Variants in HIVEP3 observed in about 807,000 individuals in gnomAD.
The protein encoded by HIVEP3 is transcription factor HIVEP3.
HIVEP3 carries 49 observed loss-of-function variants against 152.8 expected under a neutral mutation model. The ratio of observed to expected loss-of-function variants is 0.32; its 90% CI spans 0.26 to 0.41. HIVEP3 has a LOEUF of 0.41. Ranked by LOEUF, HIVEP3 falls within the 10% of genes least tolerant of loss-of-function variation. HIVEP3 has a pLI of 1.00. For synonymous variants in HIVEP3, 1,269 were observed against 1,289.0 expected (o/e 0.98, Z 0.33); for missense variants, 2,790 against 3,103.3 (o/e 0.90, Z 2.40).
At chr1:41,657,802 C>T (rs749411321) in intron 2 of HIVEP3, among the ~76,000 whole-genome samples, 13 of 152,214 alleles carry the variant, frequency 8.5e-5, no homozygotes, top group Non-Finnish European at 1.8e-4. Context: ...CGCCATCGCT[C>T]ATGCTCCTAC....
intron 2 of HIVEP3, among the ~76,000 whole-genome samples, chr1:41,633,874 A>G (rs1645232327): frequency 6.6e-6 from 1 of 152,242 alleles, no homozygotes; most frequent in Non-Finnish European, 1.5e-5. Flanking sequence ...CAAGTGAGTA[A>G]TAAACTCAGC....
intron 1 of HIVEP3, among the ~76,000 whole-genome samples, chr1:41,827,449 T>C (rs551102862): frequency 2.6e-5 from 4 of 152,256 alleles, no homozygotes. Flanking sequence ...TCTAGATTAG[T>C]TGGATTTTAC....
chr1:41,897,938 GGAGAGAGAGA>G (rs71065103), intron 1 of HIVEP3, among the ~76,000 whole-genome samples: 1,633 of 130,014 alleles, frequency 0.013, 33 homozygotes, highest in African/African-American at 0.045. Context: ...TGAGAGAGAG[GGAGAGAGAGA>G]GAGAGAGAGA....
chr1:41,885,787 C>A (rs1644337437), intron 1 of HIVEP3, among the ~76,000 whole-genome samples: 1 of 142,458 alleles, frequency 7.0e-6, no homozygotes, highest in Non-Finnish European at 1.5e-5. Flanking sequence ...CCTTTCATTC[C>A]CTCCCTCCCT....
chr1:41,595,581 G>A (rs1445124810), intron 3 of HIVEP3, among the ~76,000 whole-genome samples: 1 of 152,164 alleles, frequency 6.6e-6, no homozygotes, highest in Non-Finnish European at 1.5e-5. Context: ...GACTCTAGGT[G>A]GGAGGCTTGT....
chr1:42,030,702 T>A (rs1414873514), intron 1 of HIVEP3, among the ~76,000 whole-genome samples: 1 of 152,174 alleles, frequency 6.6e-6, no homozygotes, highest in East Asian at 1.9e-4. Flanking sequence ...ATCACTTACA[T>A]CCTTCACTGC....
intron 1 of HIVEP3, among the ~76,000 whole-genome samples, chr1:41,724,455 G>A (rs1346698320): frequency 1.9e-4 from 29 of 152,166 alleles, no homozygotes; most frequent in South Asian, 2.1e-4. Flanking sequence ...GAACAGAAAC[G>A]TCCACCACAG....
chr1:41,584,008 C>G lies in HIVEP3; in HGVS notation c.790G>C (p.Glu264Gln). 2 of 1,614,204 alleles carry G rather than the reference C, an allele frequency of 1.2e-6. No homozygotes were observed. The highest frequency in any genetic ancestry group is 1.7e-6 in the Non-Finnish European group (2 of 1,180,038). The stretch of plus-strand genomic sequence containing the variant: ...TCTTCCCCAGGGATCCGCTCCATCT[C>G]CAGCCCATGTGGGTACATCTCGCCA... ...MGGEMYPHGLEMERIPGEEFE... is the reference protein window; with the variant it reads ...MGGEMYPHGLQMERIPGEEFE... The change falls in exon 4 of 9, where the codon GAG (glutamate) becomes CAG (glutamine). Residue 264 changes from glutamate to glutamine, a missense_variant. Glu to Gln is a conservative substitution (Grantham distance 29). This residue lies in a region of HIVEP3 where 125 missense variants were observed against 130.1 expected (regional missense o/e 0.96). Coordinates refer to ENST00000372583, the MANE Select transcript of HIVEP3 (RefSeq NM_024503.5). This position sits in a 1 kb window ranked among gnomAD's most constrained non-coding sequence, Gnocchi z 5.2.
rs112180484 is a variant in HIVEP3, at chr1:41,977,400, C to T, written n.119+58407G>A. On this transcript the variant is annotated intron_variant and non_coding_transcript_variant, in intron 1 of 3. Coordinates refer to the HIVEP3 transcript ENST00000489103. The stretch of plus-strand genomic sequence containing the variant: ...TACCCCAGGAGAGAGGTGTGCCCCA[C>T]GCTCCCCCACTCCCCAGCTGCTTGC... Among the ~76,000 whole-genome samples the T allele has an allele frequency of 4.9e-3, 739 of 152,230 alleles. 7 individuals are homozygous for T. The highest frequency in any genetic ancestry group is 0.017 in the African/African-American group (715 of 41,524).
chr1:41,685,071 G>A (rs1323235871), intron 2 of HIVEP3, among the ~76,000 whole-genome samples: 1 of 152,196 alleles, frequency 6.6e-6, no homozygotes, highest in Non-Finnish European at 1.5e-5. Context: ...TCTCAGGAAT[G>A]AGACTTGTCT....
At chr1:41,528,578 C>T (rs1409378191) in intron 5 of HIVEP3, among the ~76,000 whole-genome samples, 3 of 56,784 alleles carry the variant, frequency 5.3e-5, no homozygotes, top group Admixed American at 1.6e-4. Context: ...CTCACACACC[C>T]CACCCTCACA....
chr1:41,826,771 C>T (rs953835037), intron 1 of HIVEP3, among the ~76,000 whole-genome samples: 8 of 152,138 alleles, frequency 5.3e-5, no homozygotes, highest in South Asian at 2.1e-4. Context: ...CTATAATGAA[C>T]CTGTATTGCT....
intron 1 of HIVEP3, among the ~76,000 whole-genome samples, chr1:41,888,347 C>A (rs1206559123): frequency 6.6e-6 from 1 of 151,850 alleles, no homozygotes; most frequent in Non-Finnish European, 1.5e-5. Flanking sequence ...CCACCACGCC[C>A]GGCCTAGCCC....
Position 41,522,445 on chromosome 1 carries a change from A to G in HIVEP3, c.5383+2290T>C, listed in dbSNP as rs1327441551. Reference sequence around the variant, plus strand: ...TAGTCTTCTAGAAGCCCCTGTGAACAGTTGAGGAAGAGCTCAGGGCACTGC... The same window carrying G: ...TAGTCTTCTAGAAGCCCCTGTGAACGGTTGAGGAAGAGCTCAGGGCACTGC... On this transcript the variant is annotated intron_variant, in intron 6 of 8. Transcript: ENST00000372583. 2.0e-5 allele frequency among the ~76,000 whole-genome samples: 3 copies of G among 152,208 alleles called. No homozygotes were observed. The East Asian group carries it at 5.8e-4, about 29-fold the overall frequency.
In HIVEP3 at chr1:41,862,153, G is replaced by A. The variant is rs937128964; in HGVS notation, c.-801+56260C>T. On this transcript the variant is annotated intron_variant, in intron 1 of 8. Coordinates refer to ENST00000372583, the MANE Select transcript of HIVEP3 (RefSeq NM_024503.5). ...CAAAGGTGGCACTGACTGGAAGCACGAGGCTACGGACAATGCTTCCTCATT... is the reference window on the plus strand; with the variant it reads ...CAAAGGTGGCACTGACTGGAAGCACAAGGCTACGGACAATGCTTCCTCATT... Among the ~76,000 whole-genome samples the A allele has an allele frequency of 2.6e-5, 4 of 152,170 alleles. No individual in the cohort carries two copies. In the South Asian group the frequency reaches 8.3e-4, roughly 31 times the overall value.
chr1:41,511,124 T>C lies in HIVEP3; in HGVS notation c.6548A>G (p.His2183Arg). The C allele has an allele frequency of 6.2e-7, 1 of 1,613,882 alleles. No individual in the cohort carries two copies. Among genetic ancestry groups the C allele is most frequent in the Non-Finnish European group, 8.5e-7 (1 of 1,179,960 alleles). Reference sequence around the variant, plus strand: ...TGGGGCACGGGTCAAGTGCTGGGAGTGCAGAGGCAGGTGGCTGAAGATGTT... The same window carrying C: ...TGGGGCACGGGTCAAGTGCTGGGAGCGCAGAGGCAGGTGGCTGAAGATGTT... The part of the protein sequence containing the change: ...EENIFSHLPL[H>R]SQHLTRAPCP... The change falls in exon 9 of 9, where the codon CAC becomes CGC. Residue 2183 changes from histidine (H) to arginine (R), a missense_variant. Physicochemically the swap from His to Arg is conservative, Grantham distance 29. Coordinates refer to ENST00000372583, the MANE Select transcript of HIVEP3 (RefSeq NM_024503.5). This position sits in a 1 kb window ranked among gnomAD's most constrained non-coding sequence, Gnocchi z 4.9.
At chr1:41,779,410 T>C (rs349427) in intron 1 of HIVEP3, among the ~76,000 whole-genome samples, 95,293 of 152,216 alleles carry the variant, frequency 0.63, 30,958 homozygotes, top group African/African-American at 0.81. Context: ...TGAGATTAAA[T>C]GAGTTACATG....
chr1:41,759,697 C>T (rs1647541200), intron 1 of HIVEP3, among the ~76,000 whole-genome samples: 1 of 152,222 alleles, frequency 6.6e-6, no homozygotes, highest in African/African-American at 2.4e-5. Context: ...CAAGGCATCC[C>T]AGTCTGTGCC....
chr1:41,663,154 G>A (rs927293430), intron 2 of HIVEP3, among the ~76,000 whole-genome samples: 4 of 152,238 alleles, frequency 2.6e-5, no homozygotes, highest in Non-Finnish European at 5.9e-5. Context: ...TCTGCGGGAA[G>A]GCCAGGACCC....
Sources: gnomAD v4.1 joint callset for allele counts (sites outside exome capture counted in the v4.1 genomes callset) on GRCh38, gnomAD v4.1.1 for gene constraint, gnomAD v4.1.1 regional missense constraint, Gnocchi (gnomAD v3.1) non-coding constraint, MANE v1.5 for transcripts, NCBI Gene and HGNC (gene_info 2026-07-23, HGNC 2026-07-21) for gene names.